The following ITPR1 variants were observed in gnomAD, a reference collection of about 807,000 sequenced individuals.
ITPR1 encodes the protein inositol 1,4,5-trisphosphate-gated calcium channel ITPR1.
A neutral mutation model predicts 318.4 loss-of-function variants in ITPR1; 96 were observed. The observed-to-expected ratio is 0.30, with a 90% CI of 0.26 to 0.36. ITPR1 has a LOEUF of 0.36. Among genes scored for constraint, ITPR1 ranks in the 10% least tolerant of loss-of-function variants. The pLI, the probability that ITPR1 is intolerant of heterozygous loss-of-function variation, is 1.00. For missense variants in ITPR1, 2,440 were observed against 3,460.2 expected, an observed-to-expected ratio of 0.71 and a Z score of 7.40; for synonymous variants, 1,312 against 1,289.9, an observed-to-expected ratio of 1.02 and a Z score of -0.37.
intron 4 of ITPR1, among the ~76,000 whole-genome samples, chr3:4,526,894 T>C (rs536274834): frequency 6.6e-6 from 1 of 152,374 alleles, no homozygotes; most frequent in East Asian, 1.9e-4. Flanking sequence ...AAGAAACTTC[T>C]TTAGAGTAAT....
intron 6 of ITPR1, among the ~76,000 whole-genome samples, chr3:4,640,969 A>G (rs2093324352): frequency 6.6e-6 from 1 of 152,128 alleles, no homozygotes; most frequent in African/African-American, 2.4e-5. Flanking sequence ...TATTTTAGCT[A>G]GGGGTCATCG....
intron 37 of ITPR1, among the ~76,000 whole-genome samples, chr3:4,708,125 C>A (rs1467327860): frequency 6.6e-6 from 1 of 151,978 alleles, no homozygotes; most frequent in African/African-American, 2.4e-5. Context: ...CATTTTGAAC[C>A]AAGATGAGAA....
At chr3:4,586,595 G>C (rs1307816364) in intron 4 of ITPR1, among the ~76,000 whole-genome samples, 1 of 142,294 alleles carries the variant, frequency 7.0e-6, no homozygotes, top group African/African-American at 2.6e-5. Flanking sequence ...CTGCAGCTTT[G>C]ACCTCCCTGG....
intron 4 of ITPR1, among the ~76,000 whole-genome samples, chr3:4,616,465 C>G (rs1009229222): frequency 4.6e-5 from 7 of 152,150 alleles, no homozygotes; most frequent in Admixed American, 4.6e-4. Flanking sequence ...AATTTTTATT[C>G]TCTTTCCTCT....
chr3:4,665,079 G>A, intron 16 of ITPR1, 59 bp from the exon 17 acceptor site: 1 of 1,579,878 alleles, frequency 6.3e-7, no homozygotes, highest in Non-Finnish European at 8.7e-7. Context: ...CTTCCAAACA[G>A]AGGGTTAGCT....
intron 44 of ITPR1, among the ~76,000 whole-genome samples, chr3:4,740,166 T>C (rs1054247722): frequency 5.9e-5 from 9 of 152,180 alleles, no homozygotes; most frequent in African/African-American, 1.9e-4. Flanking sequence ...GGGACCACCT[T>C]TGGGGACTGG....
chr3:4,699,118 G>T (rs1213948786), intron 34 of ITPR1, among the ~76,000 whole-genome samples: 2 of 152,050 alleles, frequency 1.3e-5, no homozygotes, highest in Non-Finnish European at 2.9e-5. Context: ...GGAGGCCTAG[G>T]TGGGCAGATC....
At chr3:4,511,575 C>A (rs1665322157) in intron 2 of ITPR1, among the ~76,000 whole-genome samples, 1 of 152,208 alleles carries the variant, frequency 6.6e-6, no homozygotes, top group African/African-American at 2.4e-5. Flanking sequence ...ACGCCAGATG[C>A]TTTGCTGAGT....
At chr3:4,623,599 A>G (rs891869889) in intron 4 of ITPR1, among the ~76,000 whole-genome samples, 9 of 152,150 alleles carry the variant, frequency 5.9e-5, no homozygotes, top group African/African-American at 2.2e-4. Context: ...GTACATTTCT[A>G]TACTTAGCAG....
chr3:4,680,153 T>A (rs1304015945), intron 24 of ITPR1, among the ~76,000 whole-genome samples: 3 of 152,178 alleles, frequency 2.0e-5, no homozygotes, highest in East Asian at 1.9e-4. Context: ...AAAACAAATT[T>A]TTTTTTGTTA....
At chr3:4,680,527 G>C (rs766870295) in intron 24 of ITPR1, 26 bp from the exon 25 acceptor site, 3 of 1,610,050 alleles carry the variant, frequency 1.9e-6, no homozygotes, top group Admixed American at 1.7e-5. Context: ...TAACCAATCT[G>C]TTTCCATTTC....
intron 4 of ITPR1, among the ~76,000 whole-genome samples, chr3:4,621,723 G>A (rs901192830): frequency 6.6e-6 from 1 of 152,194 alleles, no homozygotes; most frequent in Non-Finnish European, 1.5e-5. Flanking sequence ...TCTAGCCTTT[G>A]CCTACTACTA....
At chr3:4,700,962 C>A (rs1434479630) in intron 35 of ITPR1, among the ~76,000 whole-genome samples, 1 of 152,166 alleles carries the variant, frequency 6.6e-6, no homozygotes, top group Non-Finnish European at 1.5e-5. Flanking sequence ...GAAAGACCCA[C>A]CCCACGATTC....
chr3:4,758,425 A>G (rs1291562963), intron 44 of ITPR1, among the ~76,000 whole-genome samples: 2 of 152,176 alleles, frequency 1.3e-5, no homozygotes, highest in Non-Finnish European at 1.5e-5. Context: ...TGCAGCTAAG[A>G]TGCCACAAAG....
chr3:4,663,770 G>A (rs1221998188), intron 16 of ITPR1, among the ~76,000 whole-genome samples: 1 of 152,180 alleles, frequency 6.6e-6, no homozygotes, highest in Non-Finnish European at 1.5e-5. Context: ...TTACAGAATA[G>A]TTTCACTGCC....
At chr3:4,519,653 C>G (rs2082413604) in intron 3 of ITPR1, among the ~76,000 whole-genome samples, 1 of 152,186 alleles carries the variant, frequency 6.6e-6, no homozygotes, top group Non-Finnish European at 1.5e-5. Context: ...TATGTATATT[C>G]TGCTCTTGAT....
intron 4 of ITPR1, among the ~76,000 whole-genome samples, chr3:4,582,116 C>T (rs572032229): frequency 6.6e-6 from 1 of 152,148 alleles, no homozygotes; most frequent in African/African-American, 2.4e-5. Flanking sequence ...CCGTACTGGC[C>T]TCAGTGTTGT....
intron 4 of ITPR1, among the ~76,000 whole-genome samples, chr3:4,572,062 C>T (rs1025197668): frequency 1.2e-4 from 19 of 152,198 alleles, no homozygotes; most frequent in Non-Finnish European, 2.5e-4. Flanking sequence ...TGTGAGTCTC[C>T]TAGAGCTGAG....
chr3:4,567,909 C>G (rs2087527731), intron 4 of ITPR1, among the ~76,000 whole-genome samples: 2 of 152,166 alleles, frequency 1.3e-5, no homozygotes, highest in Non-Finnish European at 1.5e-5. Flanking sequence ...CCACCTTGAG[C>G]TAGTTCTTAA....
Sources: gnomAD v4.1 joint callset for allele counts (sites outside exome capture counted in the v4.1 genomes callset) on GRCh38, gnomAD v4.1.1 for gene constraint, MANE v1.5 for transcripts, NCBI Gene and HGNC (gene_info 2026-07-23, HGNC 2026-07-21) for gene names.